RAB3GAP1: variants seen among roughly 807,000 people sequenced by gnomAD.
The protein encoded by RAB3GAP1 is RAB3 GTPase activating protein catalytic subunit 1.
RAB3GAP1 carries 86 observed loss-of-function variants against 130.7 expected under a neutral mutation model. The ratio of observed to expected loss-of-function variants is 0.66; its 90% confidence interval spans 0.55 to 0.79. RAB3GAP1 has a LOEUF of 0.79. Ranked by LOEUF, RAB3GAP1 falls within the 30% of genes least tolerant of loss-of-function variation. The pLI is 0.00. For missense variants in RAB3GAP1, 1,029 were observed against 1,169.4 expected, an observed-to-expected ratio of 0.88 and a Z score of 1.75; for synonymous variants, 367 against 401.7, an observed-to-expected ratio of 0.91 and a Z score of 1.03.
At chr2:135,113,465 T>C (rs563845118) in intron 6 of RAB3GAP1, among the ~76,000 whole-genome samples, 195 bp downstream of exon 6, 1 of 152,334 alleles carries the variant, frequency 6.6e-6, no homozygotes, top group Non-Finnish European at 1.5e-5. Flanking sequence ...ACTTATTCCG[T>C]GTACAAACTG....
intron 5 of RAB3GAP1, among the ~76,000 whole-genome samples, chr2:135,098,711 C>T (rs1251849512): frequency 6.6e-6 from 1 of 152,156 alleles, no homozygotes; most frequent in African/African-American, 2.4e-5. Context: ...TTTCTTTCAG[C>T]AGTGTCTTAC....
Position 135,135,869 on chromosome 2 carries a change from C to T in RAB3GAP1, c.1860C>T (p.Leu620=). The change falls in exon 17 of 24, where the codon CTC becomes CTT. Residue 620 remains leucine (L), a synonymous_variant. Transcript: ENST00000264158. ...EMANLRPEGR[L]YQHGKLTLLH... The stretch of plus-strand genomic sequence containing the variant: ...CAAATTTAAGGCCGGAAGGACGGCT[C>T]TATCAGCATGGGAAACTTACACTGC... 2 of 1,614,116 alleles carry T rather than the reference C, an allele frequency of 1.2e-6. No homozygotes were observed. The highest frequency in any genetic ancestry group is 1.7e-6 in the Non-Finnish European group (2 of 1,179,932).
In RAB3GAP1 at chr2:135,169,025, TG is replaced by T. The variant is rs1453003050; in HGVS notation, c.*251del. 1.5e-4 allele frequency: 8 copies of T among 54,154 alleles called. No individual in the cohort carries two copies. The highest frequency in any genetic ancestry group is 6.5e-4 in the Admixed American group (2 of 3,070). The allele number at this position is 54,154 out of a possible 1,614,324, so 3.4% of individuals were successfully genotyped here. A position where few individuals can be genotyped will look rare whatever the true frequency, so the allele number is the denominator to read the frequency against. On this transcript the variant is annotated 3_prime_UTR_variant, in exon 24 of 24. Transcript: ENST00000264158. The stretch of plus-strand genomic sequence containing the variant: ...CTGCCCTAGAGATGGCCTTTGTATA[TG>T]GGGGGGTGGTGGGGGGACACAAACA...
At position 135,133,852 on chromosome 2, in the gene RAB3GAP1, T is replaced by TA; in HGVS notation, c.1327-6dup. 6.2e-7 allele frequency: 1 copy of TA among 1,612,498 alleles called. No homozygotes were observed. On this transcript the variant is annotated splice_polypyrimidine_tract_variant and intron_variant, in intron 14 of 23. Coordinates refer to ENST00000264158, the MANE Select transcript of RAB3GAP1 (RefSeq NM_012233.3). ...CAAGTTTGCTTTGTTTCTATTTTGT[T>TA]AAATTTAGAATCTCTACAATCAGTT...
At chr2:135,136,788 T>C in intron 17 of RAB3GAP1, 2 of 875,966 alleles carry the variant, frequency 2.3e-6, no homozygotes, top group Non-Finnish European at 3.1e-6. Context: ...GATGGGAATA[T>C]TGATAGCCAT....
At chr2:135,140,593 G>A (rs1691809907) in intron 17 of RAB3GAP1, among the ~76,000 whole-genome samples, 1 of 152,240 alleles carries the variant, frequency 6.6e-6, no homozygotes, top group Admixed American at 6.5e-5. Flanking sequence ...GTTACACAGA[G>A]TGCACTTAAT....
rs1692777160 is a variant in RAB3GAP1 at position 135,169,464 on chromosome 2, A to G, written c.*683A>G. On this transcript the variant is annotated 3_prime_UTR_variant, in exon 24 of 24. Transcript: ENST00000264158. ...ACTGCAAATTAGTTTTATATCTGTC[A>G]TGTGAGATTTGTCTTACTTATTTTT... 1 of 186,678 alleles carries G rather than the reference A, an allele frequency of 5.4e-6. No individual in the cohort carries two copies. The highest frequency in any genetic ancestry group is 1.0e-4 in the South Asian group (1 of 9,960). 11.6% of individuals were successfully genotyped at this position (186,678 alleles called of 1,614,324 possible).
At chr2:135,134,283 A>C (rs1691623688) in intron 15 of RAB3GAP1, among the ~76,000 whole-genome samples, 1 of 152,246 alleles carries the variant, frequency 6.6e-6, no homozygotes, top group South Asian at 2.1e-4. Flanking sequence ...ATAGAAAATT[A>C]GATTGATTAC....
At chr2:135,130,134 T>C in intron 12 of RAB3GAP1, 47 bp downstream of exon 12, 1 of 1,436,278 alleles carries the variant, frequency 7.0e-7, no homozygotes, top group Non-Finnish European at 9.8e-7. Context: ...TCTTACTGTT[T>C]TTCCTTGGCA....
At chr2:135,111,948 A>G (rs1376844165) in intron 5 of RAB3GAP1, among the ~76,000 whole-genome samples, 4 of 152,226 alleles carry the variant, frequency 2.6e-5, no homozygotes, top group Non-Finnish European at 4.4e-5. Flanking sequence ...CTCAACTATT[A>G]TATTCATTAG....
chr2:135,150,151 A>G (rs1282668610), intron 17 of RAB3GAP1, among the ~76,000 whole-genome samples: 3 of 152,146 alleles, frequency 2.0e-5, no homozygotes, highest in Admixed American at 1.3e-4. Flanking sequence ...AAACATGGTA[A>G]TCTTATCTGT....
At chr2:135,119,660 A>C (rs1031874881) in intron 7 of RAB3GAP1, among the ~76,000 whole-genome samples, 12 of 152,206 alleles carry the variant, frequency 7.9e-5, no homozygotes, top group African/African-American at 2.9e-4. Flanking sequence ...TTGTGACTTC[A>C]AATTGAGTTT....
At chr2:135,102,539 A>G (rs189437481) in intron 5 of RAB3GAP1, among the ~76,000 whole-genome samples, 43 of 152,360 alleles carry the variant, frequency 2.8e-4, no homozygotes, top group Non-Finnish European at 5.1e-4. Context: ...AGAGTGGAAC[A>G]ATACACTGAA....
intron 3 of RAB3GAP1, among the ~76,000 whole-genome samples, chr2:135,081,353 TATATATATACAC>T (rs796397383): frequency 0.018 from 1,629 of 90,902 alleles, 97 homozygotes; most frequent in South Asian, 0.054. Flanking sequence ...TATATATATA[TATATATATACAC>T]ACACGTGTGT....
intron 18 of RAB3GAP1, among the ~76,000 whole-genome samples, chr2:135,152,219 T>C (rs1037663502): frequency 2.6e-5 from 4 of 152,140 alleles, no homozygotes; most frequent in African/African-American, 9.7e-5. Flanking sequence ...TACTAATATG[T>C]GCCTGGGCAC....
intron 2 of RAB3GAP1, among the ~76,000 whole-genome samples, chr2:135,056,319 C>T (rs1689009725): frequency 1.3e-5 from 2 of 152,112 alleles, no homozygotes; most frequent in South Asian, 4.1e-4. Flanking sequence ...TCTCCTGCAT[C>T]AGCCTCCTGA....
intron 8 of RAB3GAP1, among the ~76,000 whole-genome samples, chr2:135,123,751 C>G (rs1691268094): frequency 6.6e-6 from 1 of 151,976 alleles, no homozygotes; most frequent in African/African-American, 2.4e-5. Context: ...ATACTAATTT[C>G]CTATTCAGAA....
chr2:135,052,627 T>G (rs1468310052), intron 2 of RAB3GAP1, 142 bp downstream of exon 2: 1 of 983,928 alleles, frequency 1.0e-6, no homozygotes, highest in African/African-American at 1.6e-5. Context: ...TCCCCCAGTC[T>G]TCTTTGGTCA....
rs1428086837 is a variant in RAB3GAP1 at position 135,169,660 on chromosome 2, G to C, written c.*879G>C. The C allele has an allele frequency of 2.2e-6, 1 of 446,886 alleles. No homozygotes were observed. Among genetic ancestry groups the C allele is most frequent in the Admixed American group, 2.4e-5 (1 of 41,928 alleles). The allele number at this position is 446,886 out of a possible 1,614,324, so 27.7% of individuals were successfully genotyped here. On this transcript the variant is annotated 3_prime_UTR_variant, in exon 24 of 24. Transcript: ENST00000264158. ...GTACCTAGAGACTGTCATGCAGATA[G>C]TATAATTTGGTATATGTGCTAATGC...
Sources: allele counts gnomAD v4.1 joint callset (sites outside exome capture counted in the v4.1 genomes callset), GRCh38; gene constraint gnomAD v4.1.1; transcripts MANE v1.5; gene names NCBI Gene and HGNC (gene_info 2026-07-23, HGNC 2026-07-21).